MED27: variants seen among roughly 807,000 people sequenced by gnomAD.
MED27 encodes the protein mediator of RNA polymerase II transcription subunit 27.
In MED27, 30 loss-of-function variants were observed where a neutral mutation model predicts 38.2. That is an observed-to-expected ratio of 0.79 (90% CI 0.59 to 1.07). The LOEUF (loss-of-function observed/expected upper bound fraction) is 1.07, where lower values mean the gene tolerates loss of function less well. MED27 is among the 50% of genes least tolerant of loss of function. MED27 has a pLI of 0.00. For missense variants in MED27, 289 were observed against 397.5 expected (o/e 0.73, Z 2.32); for synonymous variants, 122 against 153.5 (o/e 0.79, Z 1.52).
intron 2 of MED27, among the ~76,000 whole-genome samples, chr9:132,076,525 T>C (rs1834051824): frequency 6.6e-6 from 1 of 151,786 alleles, no homozygotes; most frequent in Non-Finnish European, 1.5e-5. Context: ...TAGCTCTTAC[T>C]CAAGACCTAA....
At chr9:131,957,078 C>A (rs1831121157) in intron 3 of MED27, among the ~76,000 whole-genome samples, 1 of 152,120 alleles carries the variant, frequency 6.6e-6, no homozygotes, top group South Asian at 2.1e-4. Flanking sequence ...GCATTCGCTG[C>A]CGGTAGGAGT....
Position 131,883,184 on chromosome 9 carries a change from A to C in MED27, c.723+874T>G, listed in dbSNP as rs1310061119. 6.6e-6 allele frequency among the ~76,000 whole-genome samples: 1 copy of C among 152,124 alleles called. No homozygotes were observed. The highest frequency in any genetic ancestry group is 1.5e-5 in the Non-Finnish European group (1 of 68,010). ...GGCCTCCCAAAGTGCTGGGGAGTGGACACCTGTTGTTGAGCTGGATGAGGG... is the reference window on the plus strand; with the variant it reads ...GGCCTCCCAAAGTGCTGGGGAGTGGCCACCTGTTGTTGAGCTGGATGAGGG... On this transcript the variant is annotated intron_variant, in intron 6 of 7. Coordinates refer to ENST00000292035, the MANE Select transcript of MED27 (RefSeq NM_004269.4). The surrounding 1 kb of genome is among the most constrained non-coding windows in gnomAD (Gnocchi z 4.2).
At chr9:132,005,863 A>G (rs559239730) in intron 3 of MED27, among the ~76,000 whole-genome samples, 1 of 152,200 alleles carries the variant, frequency 6.6e-6, no homozygotes, top group South Asian at 2.1e-4. Context: ...GAGCTTAGGT[A>G]GTGTCAGTTA....
chr9:132,073,363 C>A, intron 2 of MED27: 3 of 1,013,930 alleles, frequency 3.0e-6, no homozygotes, highest in Non-Finnish European at 1.2e-6. Flanking sequence ...CGCTTCGATT[C>A]ATTTATTCTT....
rs1176406067 is a variant in MED27, at chr9:131,889,236, C to T, written c.681+4649G>A. The stretch of plus-strand genomic sequence containing the variant: ...GAAATTACCCTGGAGACAGCTCTGG[C>T]TGTCTTTGAAGGTTTCCTTTGATAC... On this transcript the variant is annotated intron_variant, in intron 5 of 7. Coordinates refer to ENST00000292035, the MANE Select transcript of MED27 (RefSeq NM_004269.4). The surrounding 1 kb of genome is among the most constrained non-coding windows in gnomAD (Gnocchi z 4.2). Among the ~76,000 whole-genome samples the T allele has an allele frequency of 6.6e-6, 1 of 152,250 alleles. No individual in the cohort carries two copies. Among genetic ancestry groups the T allele is most frequent in the Non-Finnish European group, 1.5e-5 (1 of 68,052 alleles).
intron 2 of MED27, among the ~76,000 whole-genome samples, chr9:132,041,988 C>G (rs1833224388): frequency 1.3e-5 from 2 of 152,162 alleles, no homozygotes; most frequent in Admixed American, 6.5e-5. Context: ...CAAAACAGGA[C>G]CATCTGTTGT....
At chr9:131,879,162 C>T (rs1033813752) in intron 6 of MED27, among the ~76,000 whole-genome samples, 10 of 152,224 alleles carry the variant, frequency 6.6e-5, no homozygotes, top group Admixed American at 2.0e-4. Context: ...GGGTCAGGCA[C>T]GGGCCTGAGA....
intron 3 of MED27, among the ~76,000 whole-genome samples, chr9:131,985,449 C>T (rs1233689373): frequency 3.3e-5 from 5 of 152,058 alleles, no homozygotes; most frequent in Non-Finnish European, 7.4e-5. Context: ...TTGGTGAGAC[C>T]GCATATATGA....
intron 4 of MED27, among the ~76,000 whole-genome samples, chr9:131,938,362 AACTCTGCTTTTT>A (rs1830720254): frequency 1.3e-5 from 2 of 152,294 alleles, no homozygotes; most frequent in South Asian, 4.1e-4. Context: ...TTATTCAATA[AACTCTGCTTTTT>A]ATAAAATGTG....
intron 2 of MED27, among the ~76,000 whole-genome samples, chr9:132,035,034 C>T (rs114448310): frequency 8.9e-4 from 135 of 152,232 alleles, no homozygotes; most frequent in African/African-American, 3.2e-3. Flanking sequence ...TCCCAGGCTA[C>T]GTAACTTTTG....
chr9:132,072,454 G>A (rs963663318), intron 2 of MED27, among the ~76,000 whole-genome samples: 4 of 152,050 alleles, frequency 2.6e-5, no homozygotes, highest in African/African-American at 9.7e-5. Context: ...TACCTTCCTT[G>A]ACTTCTGAAT....
chr9:132,045,431 CACACACACACACACACACACACAG>C (rs1030621989), intron 2 of MED27, among the ~76,000 whole-genome samples: 2 of 151,244 alleles, frequency 1.3e-5, no homozygotes, highest in African/African-American at 4.9e-5. Flanking sequence ...CACACACACA[CACACACACACACACACACACACAG>C]ACACACACCT....
rs113725735 is a variant in MED27 at position 131,872,362 on chromosome 9, G to A, written c.724-9222C>T. 7.9e-4 allele frequency among the ~76,000 whole-genome samples: 121 copies of A among 152,352 alleles called. No individual in the cohort carries two copies. In the Middle Eastern group the frequency reaches 0.014, roughly 17 times the overall value. On this transcript the variant is annotated intron_variant, in intron 6 of 7. Transcript: ENST00000292035. This position sits in a 1 kb window ranked among gnomAD's most constrained non-coding sequence, Gnocchi z 5.6. Reference sequence around the variant, plus strand: ...CCGAGGCCAAGCTAGAAGAGCGGGCGCCTCTACTATTCGGAGTATTTCCTC... The same window carrying A: ...CCGAGGCCAAGCTAGAAGAGCGGGCACCTCTACTATTCGGAGTATTTCCTC...
intron 2 of MED27, among the ~76,000 whole-genome samples, chr9:132,034,080 T>A (rs987616033): frequency 1.3e-5 from 2 of 152,186 alleles, no homozygotes; most frequent in Admixed American, 6.5e-5. Flanking sequence ...TATGAATAGA[T>A]GAGGAGTCAT....
At chr9:131,892,536 C>A (rs886403743) in intron 5 of MED27, among the ~76,000 whole-genome samples, 8 of 152,174 alleles carry the variant, frequency 5.3e-5, no homozygotes, top group African/African-American at 1.9e-4. Context: ...CACCTTTCTA[C>A]GTATTTGTTC....
chr9:132,040,865 C>G (rs935923837), intron 2 of MED27, among the ~76,000 whole-genome samples: 3 of 152,340 alleles, frequency 2.0e-5, no homozygotes, highest in African/African-American at 7.2e-5. Context: ...GTGCTTCCAT[C>G]ATTTTCCCTC....
At chr9:132,053,265 A>T (rs113633705) in intron 2 of MED27, among the ~76,000 whole-genome samples, 1,560 of 152,048 alleles carry the variant, frequency 0.01, 17 homozygotes, top group Non-Finnish European at 0.012. Flanking sequence ...AAAAAAAAAA[A>T]AAAAGAAAAA....
chr9:132,006,033 T>C (rs774136159), intron 3 of MED27, among the ~76,000 whole-genome samples: 1 of 152,224 alleles, frequency 6.6e-6, no homozygotes, highest in Non-Finnish European at 1.5e-5. Context: ...ATTTCTTTAT[T>C]ACATAGCCTC....
At chr9:131,891,848 A>C (rs1285731344) in intron 5 of MED27, among the ~76,000 whole-genome samples, 1 of 152,058 alleles carries the variant, frequency 6.6e-6, no homozygotes, top group Admixed American at 6.6e-5. Context: ...GAGAGGAGCG[A>C]GAGGGGTGGA....
Sources: gnomAD v4.1 joint callset for allele counts (sites outside exome capture counted in the v4.1 genomes callset) on GRCh38, gnomAD v4.1.1 for gene constraint, Gnocchi (gnomAD v3.1) non-coding constraint, MANE v1.5 for transcripts, NCBI Gene and HGNC (gene_info 2026-07-23, HGNC 2026-07-21) for gene names.